ZMAT4: variants seen among roughly 807,000 people sequenced by gnomAD.
ZMAT4 encodes zinc finger matrin-type protein 4.
ZMAT4 carries 17 observed loss-of-function variants against 28.7 expected under a neutral mutation model. The observed-to-expected ratio is 0.59, with a 90% CI of 0.41 to 0.89. The LOEUF is 0.89. Among genes scored for constraint, ZMAT4 ranks in the 40% least tolerant of loss-of-function variants. The probability of loss-of-function intolerance (pLI) is 0.00; values close to 1 mark genes in which losing one functional copy is unlikely to be tolerated. For missense variants in ZMAT4, 240 were observed against 283.8 expected, an observed-to-expected ratio of 0.85 and a Z score of 1.11; for synonymous variants, 117 against 109.2, an observed-to-expected ratio of 1.07 and a Z score of -0.44.
At chr8:40,666,941 A>G (rs536754821) in intron 5 of ZMAT4, among the ~76,000 whole-genome samples, 16 of 152,214 alleles carry the variant, frequency 1.1e-4, no homozygotes, top group Middle Eastern at 6.8e-3. Context: ...ATACTAGTCT[A>G]TTTTATATTT....
chr8:40,818,939 A>G (rs1370994451), intron 2 of ZMAT4, among the ~76,000 whole-genome samples: 4 of 152,164 alleles, frequency 2.6e-5, no homozygotes, highest in African/African-American at 9.7e-5. Context: ...AAGTCATGAA[A>G]CTTTAATCAG....
At chr8:40,694,338 G>GC (rs1308610954) in intron 4 of ZMAT4, among the ~76,000 whole-genome samples, 1 of 152,120 alleles carries the variant, frequency 6.6e-6, no homozygotes, top group Non-Finnish European at 1.5e-5. Flanking sequence ...TTGAGAACAA[G>GC]CCTCCACCTT....
intron 4 of ZMAT4, among the ~76,000 whole-genome samples, 196 bp from the exon 5 acceptor site, chr8:40,675,127 T>C (rs1446971972): frequency 6.6e-6 from 1 of 152,190 alleles, no homozygotes; most frequent in Non-Finnish European, 1.5e-5. Context: ...TCTTAATGTA[T>C]TGAGATCAGA....
chr8:40,830,427 C>T (rs762164146), intron 1 of ZMAT4, among the ~76,000 whole-genome samples: 19 of 152,146 alleles, frequency 1.2e-4, no homozygotes, highest in Non-Finnish European at 2.2e-4. Flanking sequence ...TGAGAGCATG[C>T]AATATTTGAT....
At chr8:40,709,951 T>C (rs540014895) in intron 3 of ZMAT4, among the ~76,000 whole-genome samples, 17 of 151,030 alleles carry the variant, frequency 1.1e-4, no homozygotes, top group African/African-American at 3.9e-4. Context: ...GGCAGGAGAA[T>C]CTCGTGAACC....
intron 5 of ZMAT4, among the ~76,000 whole-genome samples, chr8:40,664,631 A>G (rs1412658981): frequency 1.3e-5 from 2 of 152,276 alleles, no homozygotes; most frequent in East Asian, 3.9e-4. Flanking sequence ...TCTCTGTTAC[A>G]ATATTATGAA....
At chr8:40,677,733 A>T (rs747873534) in intron 4 of ZMAT4, among the ~76,000 whole-genome samples, 66 of 152,330 alleles carry the variant, frequency 4.3e-4, no homozygotes, top group Non-Finnish European at 7.2e-4. Flanking sequence ...AATAAAATGA[A>T]TGAAGAATGG....
At chr8:40,721,078 C>G (rs1187948953) in intron 3 of ZMAT4, among the ~76,000 whole-genome samples, 1 of 147,982 alleles carries the variant, frequency 6.8e-6, no homozygotes, top group East Asian at 2.0e-4. Flanking sequence ...ACTGCACCCA[C>G]TAACTCGTCA....
chr8:40,872,760 G>A (rs952040725), intron 1 of ZMAT4, among the ~76,000 whole-genome samples: 1 of 152,124 alleles, frequency 6.6e-6, no homozygotes, highest in Non-Finnish European at 1.5e-5. Flanking sequence ...TGAACTCGGG[G>A]GGATGGTTGA....
intron 5 of ZMAT4, among the ~76,000 whole-genome samples, chr8:40,606,509 A>C (rs1805584710): frequency 6.6e-6 from 1 of 152,256 alleles, no homozygotes; most frequent in African/African-American, 2.4e-5. Flanking sequence ...ATAGGACCCC[A>C]GTGCCTTCTG....
chr8:40,809,052 G>C (rs117801049), intron 2 of ZMAT4, among the ~76,000 whole-genome samples: 4,248 of 152,162 alleles, frequency 0.028, 100 homozygotes, highest in South Asian at 0.045. Flanking sequence ...CAAAGACATG[G>C]AATCAACCTA....
intron 6 of ZMAT4, among the ~76,000 whole-genome samples, chr8:40,580,152 A>G (rs1376017448): frequency 2.6e-5 from 4 of 151,508 alleles, no homozygotes; most frequent in African/African-American, 9.7e-5. Context: ...AGCTAGGACT[A>G]CAGGCACGTG....
At chr8:40,845,552 G>A (rs1413201044) in intron 1 of ZMAT4, among the ~76,000 whole-genome samples, 1 of 151,552 alleles carries the variant, frequency 6.6e-6, no homozygotes. Context: ...GATTATAGCA[G>A]CCTTCTGAAA....
intron 5 of ZMAT4, among the ~76,000 whole-genome samples, chr8:40,593,314 G>T (rs1327048862): frequency 2.6e-5 from 4 of 152,158 alleles, no homozygotes; most frequent in Non-Finnish European, 5.9e-5. Context: ...ATACACAGTG[G>T]GTTGGATTAA....
At position 40,670,663 on chromosome 8, in the gene ZMAT4, C is replaced by T. The variant is rs573957880; in HGVS notation, c.577+4041G>A. Among the ~76,000 whole-genome samples the T allele has an allele frequency of 9.8e-4, 149 of 152,198 alleles. 1 individual carries two copies. The highest frequency in any genetic ancestry group is 3.7e-3 in the South Asian group (18 of 4,820). ...ATGTGAATCCATAATACGTGAAAGC[C>T]TTCTACCTCATCTCAAATAAAAGGC... On this transcript the variant is annotated intron_variant, in intron 5 of 6. Transcript: ENST00000297737.
intron 1 of ZMAT4, among the ~76,000 whole-genome samples, chr8:40,854,575 G>T (rs750521433): frequency 1.2e-4 from 18 of 152,194 alleles, no homozygotes; most frequent in Non-Finnish European, 2.4e-4. Context: ...CAGGAGTCCA[G>T]TCTTTCGGCA....
At chr8:40,880,413 C>G (rs1380172231) in intron 1 of ZMAT4, among the ~76,000 whole-genome samples, 1 of 151,704 alleles carries the variant, frequency 6.6e-6, no homozygotes, top group African/African-American at 2.4e-5. Flanking sequence ...ATCACGCTTT[C>G]CAGAAAGAGG....
chr8:40,739,312 T>C (rs1223804077), intron 3 of ZMAT4, among the ~76,000 whole-genome samples: 1 of 152,226 alleles, frequency 6.6e-6, no homozygotes, highest in Non-Finnish European at 1.5e-5. Flanking sequence ...ACTTTAACGC[T>C]GTTTCCAGCT....
chr8:40,630,310 C>T (rs1054585326), intron 5 of ZMAT4, among the ~76,000 whole-genome samples: 6 of 152,184 alleles, frequency 3.9e-5, no homozygotes, highest in African/African-American at 1.4e-4. Context: ...AATAACTCAC[C>T]TTCATTGGAA....
Sources: allele counts gnomAD v4.1 joint callset (sites outside exome capture counted in the v4.1 genomes callset), GRCh38; gene constraint gnomAD v4.1.1; transcripts MANE v1.5; gene names NCBI Gene and HGNC (gene_info 2026-07-23, HGNC 2026-07-21).